SLC35F4: variants seen among roughly 807,000 people sequenced by gnomAD.
SLC35F4 encodes the protein chromosome 14 open reading frame 36.
SLC35F4 carries 24 observed loss-of-function variants against 44.2 expected under a neutral mutation model. The ratio of observed to expected loss-of-function variants is 0.54; its 90% CI spans 0.39 to 0.76. SLC35F4 has a LOEUF of 0.76. SLC35F4 is among the 30% of genes least tolerant of loss of function. SLC35F4 has a pLI of 0.00. For missense variants in SLC35F4, 562 were observed against 586.1 expected (o/e 0.96, Z 0.42); for synonymous variants, 238 against 223.6 (o/e 1.06, Z -0.57).
At chr14:57,921,138 C>T (rs1889433552) in intron 1 of SLC35F4, among the ~76,000 whole-genome samples, 1 of 152,154 alleles carries the variant, frequency 6.6e-6, no homozygotes, top group Non-Finnish European at 1.5e-5. Flanking sequence ...AACACACATC[C>T]ACTTGGTAAA....
At chr14:57,639,342 T>C (rs2073134933) in intron 1 of SLC35F4, among the ~76,000 whole-genome samples, 1 of 152,084 alleles carries the variant, frequency 6.6e-6, no homozygotes. Context: ...TTTCTCATCT[T>C]CTTATAACTA....
At chr14:57,856,929 A>G (rs1284813884) in intron 1 of SLC35F4, among the ~76,000 whole-genome samples, 1 of 151,992 alleles carries the variant, frequency 6.6e-6, no homozygotes, top group African/African-American at 2.4e-5. Flanking sequence ...GAGAAACCAC[A>G]TTTTCTTTCT....
intron 1 of SLC35F4, among the ~76,000 whole-genome samples, chr14:57,785,744 G>A (rs7157354): frequency 0.11 from 17,206 of 152,246 alleles, 1,061 homozygotes; most frequent in Middle Eastern, 0.15. Context: ...CTGGGGAAGA[G>A]GAAGCAGCAG....
chr14:57,950,202 C>A (rs1424577315), intron 1 of SLC35F4, among the ~76,000 whole-genome samples: 1 of 151,844 alleles, frequency 6.6e-6, no homozygotes, highest in African/African-American at 2.4e-5. Flanking sequence ...TCCCAAATTT[C>A]TTGGAAGCTT....
chr14:57,570,125 G>T (rs1273531569), intron 5 of SLC35F4, 145 bp from the exon 6 acceptor site: 2 of 657,414 alleles, frequency 3.0e-6, no homozygotes, highest in Non-Finnish European at 4.9e-6. Context: ...CACTAGATGG[G>T]CTGTTGAGAT....
At chr14:57,912,868 T>A (rs1402966052) in intron 1 of SLC35F4, among the ~76,000 whole-genome samples, 1 of 152,088 alleles carries the variant, frequency 6.6e-6, no homozygotes, top group Non-Finnish European at 1.5e-5. Context: ...AATATTAAAG[T>A]CTTTAACTAT....
chr14:57,678,134 G>A (rs1375923025), intron 1 of SLC35F4, among the ~76,000 whole-genome samples: 1 of 151,966 alleles, frequency 6.6e-6, no homozygotes, highest in Non-Finnish European at 1.5e-5. Flanking sequence ...AATGGTTGGG[G>A]TACCCACAAA....
intron 1 of SLC35F4, among the ~76,000 whole-genome samples, chr14:57,733,360 TAAAAAAA>T (rs71104585): frequency 7.2e-6 from 1 of 138,476 alleles, no homozygotes; most frequent in East Asian, 2.1e-4. Flanking sequence ...CAATTTTCTT[TAAAAAAA>T]AAAAAAAAAA....
intron 1 of SLC35F4, among the ~76,000 whole-genome samples, chr14:57,782,075 A>G (rs1160440452): frequency 6.6e-6 from 1 of 152,248 alleles, no homozygotes; most frequent in Non-Finnish European, 1.5e-5. Context: ...TTTTTTAAAA[A>G]GAAAGTAGTA....
At chr14:57,680,010 C>G (rs1483879573) in intron 1 of SLC35F4, among the ~76,000 whole-genome samples, 1 of 152,090 alleles carries the variant, frequency 6.6e-6, no homozygotes, top group Non-Finnish European at 1.5e-5. Context: ...GGAATCCTCC[C>G]TAACTCATTT....
At chr14:57,810,882 G>T (rs890391262) in intron 1 of SLC35F4, among the ~76,000 whole-genome samples, 16 of 152,148 alleles carry the variant, frequency 1.1e-4, no homozygotes, top group Admixed American at 1.0e-3. Context: ...TTCCTCTAAG[G>T]CAGATGAATG....
At chr14:57,634,201 A>C (rs1363055903) in intron 1 of SLC35F4, among the ~76,000 whole-genome samples, 1 of 152,168 alleles carries the variant, frequency 6.6e-6, no homozygotes, top group African/African-American at 2.4e-5. Context: ...CATGGCGTCT[A>C]AAGAGTCAGG....
intron 1 of SLC35F4, among the ~76,000 whole-genome samples, chr14:57,599,283 G>C (rs1458632349): frequency 6.6e-6 from 1 of 152,302 alleles, no homozygotes; most frequent in East Asian, 1.9e-4. Flanking sequence ...AGGGCCATAG[G>C]GCAGTGGCTC....
intron 1 of SLC35F4, among the ~76,000 whole-genome samples, chr14:57,710,957 G>A (rs1173067766): frequency 6.6e-6 from 1 of 152,062 alleles, no homozygotes; most frequent in East Asian, 1.9e-4. Flanking sequence ...AGACTTCGGG[G>A]GACTGTTGGG....
chr14:57,762,092 A>G (rs993941955), intron 1 of SLC35F4, among the ~76,000 whole-genome samples: 2 of 152,162 alleles, frequency 1.3e-5, no homozygotes, highest in Non-Finnish European at 2.9e-5. Flanking sequence ...ACTTTTTTAT[A>G]TTACTCAATC....
chr14:57,900,295 G>C (rs1448258924), intron 1 of SLC35F4, among the ~76,000 whole-genome samples: 1 of 152,226 alleles, frequency 6.6e-6, no homozygotes, highest in East Asian at 1.9e-4. Context: ...TTGTCCCACA[G>C]CTCCAGCAAA....
At chr14:57,797,723 T>C (rs1045332575) in intron 1 of SLC35F4, among the ~76,000 whole-genome samples, 1 of 152,092 alleles carries the variant, frequency 6.6e-6, no homozygotes, top group Admixed American at 6.5e-5. Context: ...TGAGAAGAAA[T>C]TTGTAAACTC....
intron 1 of SLC35F4, among the ~76,000 whole-genome samples, chr14:57,772,929 C>A (rs565908483): frequency 6.6e-6 from 1 of 152,134 alleles, no homozygotes; most frequent in African/African-American, 2.4e-5. Flanking sequence ...GAGAAATCTC[C>A]GTACTGTTTT....
At chr14:57,679,071 T>C (rs544760049) in intron 1 of SLC35F4, among the ~76,000 whole-genome samples, 4 of 152,204 alleles carry the variant, frequency 2.6e-5, no homozygotes, top group Admixed American at 2.6e-4. Context: ...CAACAGAATA[T>C]ACATTCTTCT....
Sources: gnomAD v4.1 joint callset for allele counts (sites outside exome capture counted in the v4.1 genomes callset) on GRCh38, gnomAD v4.1.1 for gene constraint, MANE v1.5 for transcripts, NCBI Gene and HGNC (gene_info 2026-07-23, HGNC 2026-07-21) for gene names.